TAGLN2: variants seen among roughly 807,000 people sequenced by gnomAD.
TAGLN2 encodes transgelin 2, also known as transgelin-2.
In TAGLN2, 14 loss-of-function variants were observed where a neutral mutation model predicts 24.9. The observed-to-expected ratio is 0.56, with a 90% CI of 0.37 to 0.88. The LOEUF (loss-of-function observed/expected upper bound fraction) is 0.88, where lower values mean the gene tolerates loss of function less well. Ranked by LOEUF, TAGLN2 falls within the 40% of genes least tolerant of loss-of-function variation. TAGLN2 has a pLI of 0.00. For missense variants in TAGLN2, 208 were observed against 258.9 expected, an observed-to-expected ratio of 0.80 and a Z score of 1.35; for synonymous variants, 77 against 98.2, an observed-to-expected ratio of 0.78 and a Z score of 1.28.
intron 4 of TAGLN2, 84 bp downstream of exon 4, chr1:159,919,190 A>G: frequency 1.4e-6 from 2 of 1,405,216 alleles, no homozygotes. Flanking sequence ...GCCAGCTGCT[A>G]CTGAGATAAG....
chr1:159,919,013 A>G, intron 4 of TAGLN2, 72 bp from the exon 5 acceptor site: 5 of 1,590,452 alleles, frequency 3.1e-6, no homozygotes, highest in Non-Finnish European at 4.3e-6. Context: ...TGGACAGAGC[A>G]CAGGCTTTGC....
In TAGLN2 at chr1:159,918,374, A is replaced by G. The variant is rs553650730; in HGVS notation, c.*426T>C. On this transcript the variant is annotated 3_prime_UTR_variant, in exon 5 of 5. Coordinates refer to ENST00000368097, the MANE Select transcript of TAGLN2 (RefSeq NM_003564.3). ...AAGTTCCTGCAGCCACAGCTGTGGG[A>G]GAAGCATACTTGTAGAAGCAAGGCC... 90 of 159,162 alleles carry G rather than the reference A, an allele frequency of 5.7e-4. No homozygotes were observed. Among genetic ancestry groups the G allele is most frequent in the Non-Finnish European group, 1.1e-3 (80 of 71,940 alleles). The allele number at this position is 159,162 out of a possible 1,614,324, so 9.9% of individuals were successfully genotyped here. A position where few individuals can be genotyped will look rare whatever the true frequency, so the allele number is the denominator to read the frequency against.
intron 1 of TAGLN2, chr1:159,923,592 G>C: frequency 9.2e-7 from 1 of 1,081,448 alleles, no homozygotes; most frequent in Non-Finnish European, 1.3e-6. Context: ...ATTTGGGACA[G>C]GGAGTGTTCT....
In TAGLN2 at chr1:159,920,363, G is replaced by A. The variant is rs367741425; in HGVS notation, c.147C>T (p.Arg49=). Residue 49 remains arginine, a synonymous_variant, in exon 2 of 5, where the codon CGC becomes CGT. Coordinates refer to ENST00000368097, the MANE Select transcript of TAGLN2 (RefSeq NM_003564.3). ...CCTTGAGCCAGTTCTGGAAGTTCTCGCGTCCAGGCTGGGGCCGGCCCACAT... is the reference window on the plus strand; with the variant it reads ...CCTTGAGCCAGTTCTGGAAGTTCTCACGTCCAGGCTGGGGCCGGCCCACAT... ...RKDVGRPQPG[R]ENFQNWLKDG... 1.0e-4 allele frequency: 169 copies of A among 1,614,082 alleles called. No homozygotes were observed. The highest frequency in any genetic ancestry group is 1.3e-4 in the Non-Finnish European group (158 of 1,180,062).
intron 4 of TAGLN2, 135 bp downstream of exon 4, chr1:159,919,139 T>G (rs1321659348): frequency 8.2e-7 from 1 of 1,226,464 alleles, no homozygotes; most frequent in Non-Finnish European, 1.2e-6. Context: ...GTTGTGAGGA[T>G]TAAGTGAGAT....
chr1:159,919,611 C>T, intron 3 of TAGLN2, 50 bp downstream of exon 3: 1 of 1,599,338 alleles, frequency 6.3e-7, no homozygotes, highest in East Asian at 2.2e-5. Context: ...GGGCCCAGCC[C>T]AATCTCTGGC....
chr1:159,920,543 G>C lies in TAGLN2; in HGVS notation c.-28-6C>G, dbSNP rs1391978074. 6.2e-7 allele frequency: 1 copy of C among 1,611,298 alleles called. No homozygotes were observed. The highest frequency in any genetic ancestry group is 8.5e-7 in the Non-Finnish European group (1 of 1,177,972). On this transcript the variant is annotated splice_region_variant and splice_polypyrimidine_tract_variant and intron_variant, in intron 1 of 4. Transcript: ENST00000368097. ...GTGGCGGTGGCTGCGGGGAGCTAGG[G>C]AGAGGACACACCCGGGCTTTTGGTC...
At chr1:159,920,106 C>A (rs1455316678) in intron 2 of TAGLN2, 3 of 797,020 alleles carry the variant, frequency 3.8e-6, no homozygotes, top group Non-Finnish European at 6.4e-6. Flanking sequence ...AGTGTCACCT[C>A]AGTCTTCCAC....
intron 1 of TAGLN2, among the ~76,000 whole-genome samples, chr1:159,922,371 C>T (rs764667710): frequency 1.6e-4 from 25 of 152,172 alleles, no homozygotes; most frequent in Non-Finnish European, 2.9e-4. Context: ...TCCCCCAGCC[C>T]GAAAGCTGGG....
intron 3 of TAGLN2, 41 bp from the exon 4 acceptor site, chr1:159,919,417 C>T: frequency 6.3e-7 from 1 of 1,596,990 alleles, no homozygotes; most frequent in Non-Finnish European, 8.6e-7. Context: ...CCGCAGTGTC[C>T]TAGATACCAG....
intron 2 of TAGLN2, 86 bp from the exon 3 acceptor site, chr1:159,919,921 T>C (rs1370225900): frequency 5.6e-5 from 82 of 1,460,710 alleles, no homozygotes; most frequent in Non-Finnish European, 7.6e-5. Context: ...CCAGAGACAA[T>C]GAACCAGAGA....
Position 159,920,329 on chromosome 1 carries a change from C to T in TAGLN2, c.180+1G>A. 1 of 1,614,250 alleles carries T rather than the reference C, an allele frequency of 6.2e-7. No individual in the cohort carries two copies. Reference sequence around the variant, plus strand: ...CCAAGCCAGTGGGGCCCGGCTCTCACCGTGCCATCCTTGAGCCAGTTCTGG... The same window carrying T: ...CCAAGCCAGTGGGGCCCGGCTCTCATCGTGCCATCCTTGAGCCAGTTCTGG... On this transcript the variant is annotated splice_donor_variant, in intron 2 of 4. Coordinates refer to ENST00000368097, the MANE Select transcript of TAGLN2 (RefSeq NM_003564.3). LOFTEE classifies it high-confidence loss of function.
chr1:159,920,394 C>T lies in TAGLN2; in HGVS notation c.116G>A (p.Arg39Gln), dbSNP rs757315588. Residue 39 changes from arginine (R) to glutamine (Q), a missense_variant, in exon 2 of 5, where the codon CGA (arginine) becomes CAA (glutamine). Physicochemically the swap from Arg to Gln is conservative, Grantham distance 43. Coordinates refer to ENST00000368097, the MANE Select transcript of TAGLN2 (RefSeq NM_003564.3). ...AGGCTGGGGCCGGCCCACATCCTTT[C>T]GGCACTGGGTGGTGATCCACTGGAT... ...ILIQWITTQC[R>Q]KDVGRPQPGR... The T allele has an allele frequency of 1.7e-5, 27 of 1,614,030 alleles. No individual in the cohort carries two copies. Among genetic ancestry groups the T allele is most frequent in the East Asian group, 2.2e-5 (1 of 44,888 alleles).
At chr1:159,920,566 G>A in intron 1 of TAGLN2, 29 bp from the exon 2 acceptor site, 1 of 1,599,902 alleles carries the variant, frequency 6.3e-7, no homozygotes, top group Non-Finnish European at 8.5e-7. Flanking sequence ...CGGGCTTTTG[G>A]TCAACACCTT....
intron 4 of TAGLN2, 163 bp downstream of exon 4, chr1:159,919,111 T>C: frequency 7.9e-7 from 1 of 1,269,640 alleles, no homozygotes. Context: ...GGGACAGTCA[T>C]TTGCCATCCC....
intron 2 of TAGLN2, 153 bp from the exon 3 acceptor site, chr1:159,919,988 T>C (rs1408303652): frequency 6.7e-6 from 6 of 898,226 alleles, no homozygotes; most frequent in Admixed American, 6.5e-5. Context: ...AGCCTCACAG[T>C]CCTTCTTGCC....
intron 2 of TAGLN2, 119 bp from the exon 3 acceptor site, chr1:159,919,954 A>G (rs1650474567): frequency 8.6e-7 from 1 of 1,158,404 alleles, no homozygotes; most frequent in Non-Finnish European, 1.3e-6. Flanking sequence ...GCCTGAAGAC[A>G]GCTTGGACTC....
At position 159,919,792 on chromosome 1, in the gene TAGLN2, G is replaced by A. The variant is rs762872805; in HGVS notation, c.224C>T (p.Ala75Val). The stretch of plus-strand genomic sequence containing the variant: ...GGAGGCCTGGATCTTCTTTACTGGG[G>A]CCTGCCCCTCGGGGTACAGTGCATT... ...LINALYPEGQ[A>V]PVKKIQASTM... The change falls in exon 3 of 5, where the codon GCC becomes GTC. Residue 75 changes from alanine (A) to valine (V), a missense_variant. Transcript: ENST00000368097. 7 of 1,614,010 alleles carry A rather than the reference G, an allele frequency of 4.3e-6. No homozygotes were observed. Among genetic ancestry groups the A allele is most frequent in the Non-Finnish European group, 5.1e-6 (6 of 1,180,024 alleles).
intron 4 of TAGLN2, 97 bp from the exon 5 acceptor site, chr1:159,919,038 C>CTGG: frequency 6.4e-7 from 1 of 1,556,912 alleles, no homozygotes; most frequent in East Asian, 2.3e-5. Flanking sequence ...GGCTCAAGGG[C>CTGG]TGGTGCCAGC....
Sources: gnomAD v4.1 joint callset for allele counts (sites outside exome capture counted in the v4.1 genomes callset) on GRCh38, gnomAD v4.1.1 for gene constraint, MANE v1.5 for transcripts, NCBI Gene and HGNC (gene_info 2026-07-23, HGNC 2026-07-21) for gene names.